Variants in GALNT14 observed in about 807,000 individuals in gnomAD.
GALNT14 encodes UDP-GalNAc:polypeptide N-acetylgalactosaminyltransferase 14.
In GALNT14, 60 loss-of-function variants were observed where a neutral mutation model predicts 77.5. That is an observed-to-expected ratio of 0.77 (90% confidence interval 0.63 to 0.96). GALNT14 has a LOEUF of 0.96. Among genes scored for constraint, GALNT14 ranks in the 40% least tolerant of loss-of-function variants. The pLI is 0.00. For missense variants in GALNT14, 710 were observed against 731.0 expected, an observed-to-expected ratio of 0.97 and a Z score of 0.33; for synonymous variants, 280 against 281.7, an observed-to-expected ratio of 0.99 and a Z score of 0.06.
chr2:31,038,600 C>G (rs1366783165), intron 1 of GALNT14, among the ~76,000 whole-genome samples: 1 of 152,096 alleles, frequency 6.6e-6, no homozygotes, highest in Non-Finnish European at 1.5e-5. Context: ...CATTCTGCCC[C>G]CTCTAGTGGC....
At chr2:30,914,130 A>T (rs1285469955) in intron 13 of GALNT14, among the ~76,000 whole-genome samples, 1 of 152,186 alleles carries the variant, frequency 6.6e-6, no homozygotes, top group East Asian at 1.9e-4. Context: ...CATTATCCTG[A>T]CAACTTTACA....
intron 1 of GALNT14, chr2:31,079,098 G>A (rs1001315800): frequency 1.4e-5 from 17 of 1,220,958 alleles, no homozygotes; most frequent in Non-Finnish European, 1.8e-5. Context: ...AAATGCATAT[G>A]ATGATATTTG....
At chr2:31,045,906 C>T (rs188606508) in intron 1 of GALNT14, among the ~76,000 whole-genome samples, 4 of 152,272 alleles carry the variant, frequency 2.6e-5, no homozygotes, top group Admixed American at 2.6e-4. Flanking sequence ...TACTCTTTTT[C>T]ACCTGTATCT....
At chr2:30,907,210 G>A (rs1664167970), downstream of GALNT14, among the ~76,000 whole-genome samples, 2 of 152,064 alleles carry the variant, frequency 1.3e-5, no homozygotes, top group East Asian at 1.9e-4. Flanking sequence ...AACTAAGATC[G>A]GAGCAGAACT....
chr2:30,894,937 T>TCC, the GALNT14 span, among the ~76,000 whole-genome samples: 1 of 152,140 alleles, frequency 6.6e-6, no homozygotes, highest in Non-Finnish European at 1.5e-5. Flanking sequence ...TACTATCAGT[T>TCC]CCCCAGAGCA....
At chr2:30,947,687 C>G (rs2148295489) in intron 6 of GALNT14, among the ~76,000 whole-genome samples, 1 of 152,346 alleles carries the variant, frequency 6.6e-6, no homozygotes, top group African/African-American at 2.4e-5. Context: ...CTTTGGCCAG[C>G]ACAGGCAGGA....
downstream of GALNT14, among the ~76,000 whole-genome samples, chr2:30,907,734 A>G (rs1301748178): frequency 6.7e-6 from 1 of 149,994 alleles, no homozygotes; most frequent in African/African-American, 2.5e-5. Flanking sequence ...TTCTGATACC[A>G]AAGCCAGGCA....
chr2:31,032,648 G>A (rs1672489518), intron 1 of GALNT14, among the ~76,000 whole-genome samples: 1 of 152,118 alleles, frequency 6.6e-6, no homozygotes, highest in Admixed American at 6.5e-5. Flanking sequence ...GGAAGCTGTT[G>A]AGATTATTTC....
intron 1 of GALNT14, among the ~76,000 whole-genome samples, chr2:31,047,859 C>A (rs1388127644): frequency 6.6e-6 from 1 of 152,202 alleles, no homozygotes; most frequent in Non-Finnish European, 1.5e-5. Context: ...TTCTTCCCAG[C>A]CACAACCACA....
intron 2 of GALNT14, among the ~76,000 whole-genome samples, chr2:30,980,317 C>G (rs973079391): frequency 6.6e-6 from 1 of 152,238 alleles, no homozygotes; most frequent in African/African-American, 2.4e-5. Flanking sequence ...AGCTGCGGAG[C>G]AGCAGGAAAG....
chr2:30,953,679 G>A (rs1667179316), intron 6 of GALNT14, among the ~76,000 whole-genome samples: 1 of 152,074 alleles, frequency 6.6e-6, no homozygotes, highest in African/African-American at 2.4e-5. Flanking sequence ...CCCTTTACTG[G>A]AGGTCATTTG....
chr2:30,946,156 G>A (rs1280750553), intron 6 of GALNT14, among the ~76,000 whole-genome samples: 5 of 152,208 alleles, frequency 3.3e-5, no homozygotes, highest in Non-Finnish European at 2.9e-5. Flanking sequence ...TGGCTGGAGA[G>A]TATTGCACAC....
chr2:31,089,161 C>T (rs919232223), intron 1 of GALNT14, among the ~76,000 whole-genome samples: 1 of 152,148 alleles, frequency 6.6e-6, no homozygotes, highest in African/African-American at 2.4e-5. Flanking sequence ...GAAATCCTAG[C>T]CTACCATGAC....
chr2:30,929,502 A>G lies in GALNT14; in HGVS notation c.1059-15T>C, dbSNP rs187425984. 358 of 1,604,158 alleles carry G rather than the reference A, an allele frequency of 2.2e-4. 3 individuals carry two copies. In the East Asian group the frequency reaches 6.5e-3, roughly 29 times the overall value. On this transcript the variant is annotated splice_polypyrimidine_tract_variant and intron_variant, in intron 10 of 14. Coordinates refer to ENST00000349752, the MANE Select transcript of GALNT14 (RefSeq NM_024572.4). The stretch of plus-strand genomic sequence containing the variant: ...GCTTGGTGTTCCTGGGAAAACAAGG[A>G]GTGACAAGGGGTGTCAGTAAGGGGC...
chr2:31,132,490 T>G (rs1393573000), intron 1 of GALNT14: 1 of 279,602 alleles, frequency 3.6e-6, no homozygotes, highest in African/African-American at 2.2e-5. Context: ...GCACAGCACC[T>G]TGTACAGGCA....
At chr2:31,119,838 T>C (rs934493013) in intron 1 of GALNT14, among the ~76,000 whole-genome samples, 1 of 152,220 alleles carries the variant, frequency 6.6e-6, no homozygotes, top group African/African-American at 2.4e-5. Context: ...ACATCCACAC[T>C]GCAGAATATT....
At chr2:31,096,054 G>A (rs1676989654) in intron 1 of GALNT14, among the ~76,000 whole-genome samples, 1 of 152,000 alleles carries the variant, frequency 6.6e-6, no homozygotes, top group South Asian at 2.1e-4. Context: ...TTGGCTCATG[G>A]CCTCTTTTCT....
intron 2 of GALNT14, among the ~76,000 whole-genome samples, chr2:30,971,036 G>A (rs1668321343): frequency 6.6e-6 from 1 of 152,060 alleles, no homozygotes. Context: ...GGGGTTCAAG[G>A]CACCTGCCTT....
intron 1 of GALNT14, among the ~76,000 whole-genome samples, chr2:31,088,488 G>A (rs953858809): frequency 1.3e-5 from 2 of 152,158 alleles, no homozygotes; most frequent in African/African-American, 2.4e-5. Context: ...GTGAGAACAT[G>A]TCTTGGGTAG....
Sources: gnomAD v4.1 joint callset for allele counts (sites outside exome capture counted in the v4.1 genomes callset) on GRCh38, gnomAD v4.1.1 for gene constraint, MANE v1.5 for transcripts, NCBI Gene and HGNC (gene_info 2026-07-23, HGNC 2026-07-21) for gene names.